Variants in UNKL observed in about 807,000 individuals in gnomAD.
UNKL encodes unk like zinc finger, also known as putative E3 ubiquitin-protein ligase UNKL.
UNKL carries 60 observed loss-of-function variants against 78.0 expected under a neutral mutation model. The observed-to-expected ratio is 0.77, with a 90% CI of 0.63 to 0.95. The LOEUF is 0.95. Ranked by LOEUF, UNKL falls within the 40% of genes least tolerant of loss-of-function variation. UNKL has a pLI of 0.00. For missense variants in UNKL, 1,159 were observed against 1,045.7 expected (o/e 1.11, Z -1.49); for synonymous variants, 608 against 474.8 (o/e 1.28, Z -3.65).
intron 6 of UNKL, among the ~76,000 whole-genome samples, chr16:1,396,396 C>T (rs56361595): frequency 0.049 from 7,482 of 151,404 alleles, 320 homozygotes; most frequent in South Asian, 0.13. Context: ...AAGTGCTCCT[C>T]GCGTCTCAGC....
intron 9 of UNKL, among the ~76,000 whole-genome samples, chr16:1,388,680 A>T (rs1204326419): frequency 1.3e-5 from 2 of 152,130 alleles, no homozygotes; most frequent in African/African-American, 2.4e-5. Context: ...GGATGGGCAC[A>T]GTGAGAGGGG....
Position 1,363,232 on chromosome 16 carries a change from A to G in UNKL, c.*3008T>C. The G allele has an allele frequency of 1.4e-6, 1 of 730,178 alleles. No individual in the cohort carries two copies. Among genetic ancestry groups the G allele is most frequent in the South Asian group, 1.5e-5 (1 of 65,920 alleles). 45.2% of individuals were successfully genotyped at this position (730,178 alleles called of 1,614,324 possible). ...AGATTCAAGGTTTTAATTAATTCCC[A>G]TACTGATAAAAATAACTCCATGAAT... On this transcript the variant is annotated 3_prime_UTR_variant, in exon 15 of 15. Coordinates refer to ENST00000389221, the MANE Select transcript of UNKL (RefSeq NM_001372107.1).
rs11861681 is a variant in UNKL, at chr16:1,374,120, G to A, written c.1265-2509C>T. ...CACACAGGGACTGCCGGCCAACACCGCACAGAGACCTCAGCAGCGTGGGGC... is the reference window on the plus strand; with the variant it reads ...CACACAGGGACTGCCGGCCAACACCACACAGAGACCTCAGCAGCGTGGGGC... On this transcript the variant is annotated intron_variant, in intron 10 of 14. Transcript: ENST00000389221. Among the ~76,000 whole-genome samples, 908 of 116,296 alleles carry A rather than the reference G, an allele frequency of 7.8e-3. 30 individuals carry two copies. Among genetic ancestry groups the A allele is most frequent in the African/African-American group, 0.033 (830 of 25,220 alleles). The allele number at this position is 116,296 out of a possible 152,430, so 76.3% of individuals were successfully genotyped here.
chr16:1,370,315 C>T lies in UNKL; in HGVS notation c.1400G>A (p.Gly467Asp), dbSNP rs1003139485. The change falls in exon 12 of 15, where the codon GGC (glycine) becomes GAC (aspartate). Residue 467 changes from glycine to aspartate, a missense_variant. Physicochemically the swap from Gly to Asp is moderately conservative, Grantham distance 94. Coordinates refer to ENST00000389221, the MANE Select transcript of UNKL (RefSeq NM_001372107.1). ...TAGCGATGGTGCTCTGGGCAGGGAGCCGGGGATGGCGACAGGTGCAGAGCC... is the reference window on the plus strand; with the variant it reads ...TAGCGATGGTGCTCTGGGCAGGGAGTCGGGGATGGCGACAGGTGCAGAGCC... ...LAGSAPVAIP[G>D]SLPRAPSLHS... 6.5e-7 allele frequency: 1 copy of T among 1,533,392 alleles called. No homozygotes were observed. Among genetic ancestry groups the T allele is most frequent in the Non-Finnish European group, 8.7e-7 (1 of 1,145,900 alleles). The allele number at this position is 1,533,392 out of a possible 1,614,324, so 95.0% of individuals were successfully genotyped here.
At chr16:1,370,480 G>GC in intron 11 of UNKL, 123 bp from the exon 12 acceptor site, 1 of 1,179,254 alleles carries the variant, frequency 8.5e-7, no homozygotes, top group Non-Finnish European at 1.2e-6. Flanking sequence ...TGGGGGGTGG[G>GC]AATATAGGGG....
Position 1,371,501 on chromosome 16 carries a change from G to T in UNKL, c.1357+18C>A. 6.5e-7 allele frequency: 1 copy of T among 1,535,586 alleles called. No individual in the cohort carries two copies. The highest frequency in any genetic ancestry group is 1.2e-5 in the South Asian group (1 of 84,020). On this transcript the variant is annotated intron_variant, in intron 11 of 14. Coordinates refer to ENST00000389221, the MANE Select transcript of UNKL (RefSeq NM_001372107.1). ...CAGCGGCTGGAGGAGCAGGGCCCCA[G>T]GTCCTCCCCACCCTCACCTGCTGCT...
At chr16:1,407,895 T>C (rs2037841451) in intron 2 of UNKL, among the ~76,000 whole-genome samples, 1 of 151,844 alleles carries the variant, frequency 6.6e-6, no homozygotes, top group South Asian at 2.1e-4. Context: ...CCACGTGTAT[T>C]TTTTTTTCCC....
intron 13 of UNKL, 136 bp downstream of exon 13, chr16:1,367,511 TCCCCCTCCC>T (rs1567196641): frequency 0.31 from 32,740 of 106,346 alleles, 1,242 homozygotes; most frequent in Middle Eastern, 0.37. Context: ...CCTCCCTCCC[TCCCCCTCCC>T]GTCTCACCCC....
rs976162635 is a variant in UNKL at position 1,387,413 on chromosome 16, T to C, written c.1087-2028A>G. 2.0e-5 allele frequency among the ~76,000 whole-genome samples: 3 copies of C among 152,168 alleles called. No homozygotes were observed. The highest frequency in any genetic ancestry group is 2.9e-5 in the Non-Finnish European group (2 of 68,012). Reference sequence around the variant, plus strand: ...ATCCCTTGCACTTCCTGTCCCTGCTTCAGACCCTCAGTGTGGCCCCAGGAA... The same window carrying C: ...ATCCCTTGCACTTCCTGTCCCTGCTCCAGACCCTCAGTGTGGCCCCAGGAA... On this transcript the variant is annotated intron_variant, in intron 9 of 14. Transcript: ENST00000389221. The surrounding 1 kb of genome is among the most constrained non-coding windows in gnomAD (Gnocchi z 4.1).
chr16:1,395,038 T>G (rs1400562657), intron 6 of UNKL, among the ~76,000 whole-genome samples: 1 of 152,254 alleles, frequency 6.6e-6, no homozygotes. Flanking sequence ...CCACCACACC[T>G]GGCTAATTTT....
chr16:1,366,679 G>C (rs2141904188), intron 14 of UNKL, among the ~76,000 whole-genome samples: 1 of 152,348 alleles, frequency 6.6e-6, no homozygotes, highest in East Asian at 1.9e-4. Context: ...GGGCAGCTGG[G>C]TGCCCAGGAT....
chr16:1,405,772 C>A (rs1036733853), intron 2 of UNKL: 1 of 347,820 alleles, frequency 2.9e-6, no homozygotes, highest in Non-Finnish European at 5.8e-6. Flanking sequence ...GTGAGCAGAG[C>A]CACGTGATTA....
chr16:1,383,454 G>C (rs1202323659), intron 10 of UNKL: 1 of 210,056 alleles, frequency 4.8e-6, no homozygotes, highest in Non-Finnish European at 1.0e-5. Flanking sequence ...CGGGGCCCTG[G>C]GTGCTTGGGG....
At chr16:1,414,561 G>A in intron 1 of UNKL, 54 bp downstream of exon 1, 2 of 831,636 alleles carry the variant, frequency 2.4e-6, no homozygotes, top group Non-Finnish European at 1.5e-6. Context: ...CCGGCGGGAG[G>A]CTCCGAGCTG....
chr16:1,393,099 G>T, intron 7 of UNKL, 123 bp from the exon 8 acceptor site: 3 of 1,033,132 alleles, frequency 2.9e-6, no homozygotes, highest in South Asian at 2.8e-5. Flanking sequence ...TCCCTCAGGG[G>T]TGCGGCAGAG....
At chr16:1,367,940 C>A in intron 12 of UNKL, 82 bp from the exon 13 acceptor site, 2 of 1,315,594 alleles carry the variant, frequency 1.5e-6, no homozygotes, top group Non-Finnish European at 2.1e-6. Flanking sequence ...GCCCCAGGCC[C>A]CACCGCTACG....
intron 10 of UNKL, among the ~76,000 whole-genome samples, chr16:1,372,646 G>C (rs1320293113): frequency 6.6e-6 from 1 of 152,192 alleles, no homozygotes; most frequent in Non-Finnish European, 1.5e-5. Flanking sequence ...CACAGAAGTT[G>C]GGTTGGGGGT....
At position 1,403,466 on chromosome 16, in the gene UNKL, T is replaced by A. The variant is rs540097460; in HGVS notation, c.288-122A>T. 27 of 1,221,676 alleles carry A rather than the reference T, an allele frequency of 2.2e-5. No individual in the cohort carries two copies. In the African/African-American group the frequency reaches 3.8e-4, roughly 17 times the overall value. The allele number at this position is 1,221,676 out of a possible 1,614,324, so 75.7% of individuals were successfully genotyped here. A position where few individuals can be genotyped will look rare whatever the true frequency, so the allele number is the denominator to read the frequency against. ...TGAATTCCCTTCCCTTCTTCCAGATTCCTGTTCTAATCAGAAGGACGGACA... is the reference window on the plus strand; with the variant it reads ...TGAATTCCCTTCCCTTCTTCCAGATACCTGTTCTAATCAGAAGGACGGACA... On this transcript the variant is annotated intron_variant, in intron 2 of 14. Transcript: ENST00000389221. This position sits in a 1 kb window ranked among gnomAD's most constrained non-coding sequence, Gnocchi z 4.8.
At chr16:1,377,120 T>G (rs2036295552) in intron 10 of UNKL, among the ~76,000 whole-genome samples, 2 of 152,024 alleles carry the variant, frequency 1.3e-5, no homozygotes, top group South Asian at 4.2e-4. Context: ...CCTCCCAGGT[T>G]CAAGCTATTC....
Sources: gnomAD v4.1 joint callset for allele counts (sites outside exome capture counted in the v4.1 genomes callset) on GRCh38, gnomAD v4.1.1 for gene constraint, Gnocchi (gnomAD v3.1) non-coding constraint, MANE v1.5 for transcripts, NCBI Gene and HGNC (gene_info 2026-07-23, HGNC 2026-07-21) for gene names.